SGCZ: variants seen among roughly 807,000 people sequenced by gnomAD.
SGCZ encodes the protein sarcoglycan zeta, also known as zeta-sarcoglycan.
Under a neutral mutation model 41.3 loss-of-function variants are expected in SGCZ, and 40 were observed. The observed-to-expected ratio is 0.97, with a 90% CI of 0.75 to 1.26. The LOEUF (loss-of-function observed/expected upper bound fraction) is 1.26, where lower values mean the gene tolerates loss of function less well. Among genes scored for constraint, SGCZ ranks in the 50% most tolerant of loss-of-function variants. The pLI is 0.00. For missense variants in SGCZ, 552 were observed against 369.8 expected (o/e 1.49, Z -4.04); for synonymous variants, 206 against 137.5 (o/e 1.50, Z -3.49).
intron 5 of SGCZ, among the ~76,000 whole-genome samples, chr8:14,109,490 G>C (rs1434294038): frequency 6.6e-6 from 1 of 151,976 alleles, no homozygotes; most frequent in Non-Finnish European, 1.5e-5. Context: ...CAAAGTTCTT[G>C]CTTTAAGAAC....
At chr8:14,355,151 G>A (rs780385320) in intron 2 of SGCZ, among the ~76,000 whole-genome samples, 20 of 151,722 alleles carry the variant, frequency 1.3e-4, no homozygotes, top group Non-Finnish European at 2.8e-4. Context: ...TACACATTTT[G>A]TTCATTCCCA....
intron 1 of SGCZ, among the ~76,000 whole-genome samples, chr8:14,611,313 T>G (rs1008307703): frequency 3.5e-5 from 4 of 114,698 alleles, no homozygotes; most frequent in Non-Finnish European, 7.5e-5. Context: ...ATGGAGAGAG[T>G]AAATGAATAT....
chr8:14,398,303 A>T (rs73664343), intron 2 of SGCZ, among the ~76,000 whole-genome samples: 25,767 of 152,106 alleles, frequency 0.17, 5,168 homozygotes, highest in African/African-American at 0.48. Flanking sequence ...TTCCTTAGCA[A>T]CATTGCTTGA....
chr8:14,700,710 C>A (rs1045852012), intron 1 of SGCZ, among the ~76,000 whole-genome samples: 3 of 151,940 alleles, frequency 2.0e-5, no homozygotes, highest in African/African-American at 7.2e-5. Context: ...CAAGCAACTA[C>A]AAAATACATA....
At position 14,428,223 on chromosome 8, in the gene SGCZ, A is replaced by G. The variant is rs146424298; in HGVS notation, c.235-104019T>C. On this transcript the variant is annotated intron_variant, in intron 2 of 7. Coordinates refer to ENST00000382080, the MANE Select transcript of SGCZ (RefSeq NM_139167.4). ...GCACATAATTACCTATATTATATAT[A>G]CTATTCATATGTAAACCTATATAAT... 1.6e-3 allele frequency among the ~76,000 whole-genome samples: 243 copies of G among 151,980 alleles called. 1 individual carries two copies. The highest frequency in any genetic ancestry group is 0.015 in the Admixed American group (225 of 15,232).
intron 1 of SGCZ, among the ~76,000 whole-genome samples, chr8:15,134,962 T>C (rs1808053007): frequency 1.3e-5 from 2 of 152,222 alleles, no homozygotes; most frequent in African/African-American, 2.4e-5. Flanking sequence ...TGTTTCAAAA[T>C]GTGGTTACTC....
At chr8:14,667,435 C>A (rs1461684273) in intron 1 of SGCZ, among the ~76,000 whole-genome samples, 2 of 152,120 alleles carry the variant, frequency 1.3e-5, no homozygotes, top group African/African-American at 4.8e-5. Flanking sequence ...ATCATCGAAC[C>A]CTGGACTCAT....
chr8:14,915,579 C>A (rs1799410538), intron 1 of SGCZ, among the ~76,000 whole-genome samples: 1 of 152,134 alleles, frequency 6.6e-6, no homozygotes, highest in African/African-American at 2.4e-5. Flanking sequence ...AAAAAGCAGA[C>A]AAGATGGCAC....
chr8:14,780,005 C>T (rs901561213), intron 1 of SGCZ, among the ~76,000 whole-genome samples: 1 of 152,120 alleles, frequency 6.6e-6, no homozygotes. Context: ...TGTCATTCTA[C>T]AGTCAGAGTG....
intron 4 of SGCZ, among the ~76,000 whole-genome samples, chr8:14,178,116 C>T (rs1804610630): frequency 6.6e-6 from 1 of 151,732 alleles, no homozygotes; most frequent in African/African-American, 2.4e-5. Context: ...AGCCATCACC[C>T]CCGGCTAATT....
intron 1 of SGCZ, among the ~76,000 whole-genome samples, chr8:14,844,595 T>C (rs1490913849): frequency 6.6e-6 from 1 of 152,194 alleles, no homozygotes; most frequent in Non-Finnish European, 1.5e-5. Flanking sequence ...AGAAATAAAC[T>C]GTTGTCCTAA....
intron 2 of SGCZ, among the ~76,000 whole-genome samples, chr8:14,369,828 A>G (rs1299901705): frequency 2.6e-5 from 4 of 152,024 alleles, no homozygotes; most frequent in African/African-American, 7.2e-5. Context: ...TTACATGATT[A>G]TTTAGAATAT....
At chr8:14,191,167 T>G (rs1304872958) in intron 4 of SGCZ, among the ~76,000 whole-genome samples, 1 of 152,218 alleles carries the variant, frequency 6.6e-6, no homozygotes, top group African/African-American at 2.4e-5. Flanking sequence ...TAAGGTTCTT[T>G]GCCCATTTTT....
At chr8:14,604,970 G>C (rs1173525387) in intron 1 of SGCZ, among the ~76,000 whole-genome samples, 1 of 152,130 alleles carries the variant, frequency 6.6e-6, no homozygotes, top group African/African-American at 2.4e-5. Flanking sequence ...AATATTAATT[G>C]ATGTTATATG....
intron 2 of SGCZ, among the ~76,000 whole-genome samples, chr8:14,540,472 CTCTAT>C (rs1242800261): frequency 6.6e-6 from 1 of 151,414 alleles, no homozygotes; most frequent in Non-Finnish European, 1.5e-5. Flanking sequence ...TACATTATAT[CTCTAT>C]ATCTTTCGTC....
chr8:14,696,822 G>C (rs974215271), intron 1 of SGCZ, among the ~76,000 whole-genome samples: 1 of 151,652 alleles, frequency 6.6e-6, no homozygotes, highest in African/African-American at 2.4e-5. Flanking sequence ...AGTCCAGAAG[G>C]CAAGCAGGCA....
chr8:14,107,026 G>T (rs1345496809), intron 6 of SGCZ, among the ~76,000 whole-genome samples: 1 of 151,990 alleles, frequency 6.6e-6, no homozygotes, highest in Non-Finnish European at 1.5e-5. Flanking sequence ...ACTATCCGGA[G>T]CAACATGGTG....
At chr8:15,030,182 G>A (rs140692248) in intron 1 of SGCZ, among the ~76,000 whole-genome samples, 19 of 152,170 alleles carry the variant, frequency 1.2e-4, no homozygotes, top group South Asian at 4.1e-4. Flanking sequence ...CTTAAAGGGC[G>A]CTGAAAATAA....
intron 5 of SGCZ, among the ~76,000 whole-genome samples, chr8:14,153,940 G>GACACAC (rs57842795): frequency 1.4e-5 from 2 of 142,746 alleles, no homozygotes; most frequent in Non-Finnish European, 3.0e-5. Flanking sequence ...CACACACACA[G>GACACAC]ACACACACAC....
Sources: gnomAD v4.1 joint callset for allele counts (sites outside exome capture counted in the v4.1 genomes callset) on GRCh38, gnomAD v4.1.1 for gene constraint, MANE v1.5 for transcripts, NCBI Gene and HGNC (gene_info 2026-07-23, HGNC 2026-07-21) for gene names.